Variants in IL1RL2 observed in about 807,000 individuals in gnomAD.
The protein encoded by IL1RL2 is interleukin-1 receptor-like 2.
A neutral mutation model predicts 66.8 loss-of-function variants in IL1RL2; 68 were observed. That is an observed-to-expected ratio of 1.02 (90% CI 0.84 to 1.25). IL1RL2 has a LOEUF of 1.25. Ranked by LOEUF, IL1RL2 falls within the 50% of genes most tolerant of loss-of-function variation. IL1RL2 has a pLI of 0.00. For missense variants in IL1RL2, 729 were observed against 709.3 expected (o/e 1.03, Z -0.32); for synonymous variants, 305 against 264.6 (o/e 1.15, Z -1.48).
downstream of IL1RL2, among the ~76,000 whole-genome samples, chr2:102,240,361 CTTTTTTTTTTTTT>C (rs551743835): frequency 0.13 from 10,662 of 80,400 alleles, 609 homozygotes; most frequent in Admixed American, 0.14. Context: ...TCTTCTCCTC[CTTTTTTTTTTTTT>C]TTTTTTTTTT....
chr2:102,228,419 G>T (rs1392319551), intron 9 of IL1RL2, among the ~76,000 whole-genome samples: 1 of 152,152 alleles, frequency 6.6e-6, no homozygotes, highest in Non-Finnish European at 1.5e-5. Flanking sequence ...TAATAATTAG[G>T]TGTGCATGAC....
At chr2:102,234,788 A>G in intron 10 of IL1RL2, 109 bp from the exon 11 acceptor site, 1 of 1,063,724 alleles carries the variant, frequency 9.4e-7, no homozygotes, top group South Asian at 1.6e-5. Context: ...CTTCACTTCA[A>G]AAAAAAAAAG....
In IL1RL2 at chr2:102,235,202, C is replaced by A; in HGVS notation, c.1603C>A (p.His535Asn). ...CAAGTTTTGGAAGACAGTGAGATAC[C>A]ACATGCCGCCCAGAAGGTGTCGGCC... ...KTKFWKTVRY[H>N]MPPRRCRPFP... is the part of the protein sequence containing the mutation. The change falls in exon 11 of 12, where the codon CAC becomes AAC. Residue 535 changes from histidine (H) to asparagine (N), a missense_variant. His to Asn is a moderately conservative substitution (Grantham distance 68, BLOSUM62 1). Transcript: ENST00000264257. 6.2e-7 allele frequency: 1 copy of A among 1,614,194 alleles called. No homozygotes were observed. The highest frequency in any genetic ancestry group is 8.5e-7 in the Non-Finnish European group (1 of 1,180,024).
intron 4 of IL1RL2, among the ~76,000 whole-genome samples, chr2:102,196,708 T>C (rs1239032273): frequency 1.3e-5 from 2 of 152,284 alleles, no homozygotes; most frequent in Admixed American, 6.5e-5. Context: ...ACAGTTAGCC[T>C]GGTGGGTACG....
chr2:102,196,687 G>T (rs995753774), intron 4 of IL1RL2, among the ~76,000 whole-genome samples: 2 of 152,200 alleles, frequency 1.3e-5, no homozygotes, highest in Admixed American at 1.3e-4. Flanking sequence ...AACTGTGCTT[G>T]AAGAGTGAAC....
In IL1RL2 at chr2:102,235,206, T is replaced by C. The variant is rs1488803243; in HGVS notation, c.1607T>C (p.Met536Thr). 3 of 1,614,212 alleles carry C rather than the reference T, an allele frequency of 1.9e-6. No homozygotes were observed. Among genetic ancestry groups the C allele is most frequent in the Non-Finnish European group, 8.5e-7 (1 of 1,180,042 alleles). The change falls in exon 11 of 12, where the codon ATG becomes ACG. Residue 536 changes from methionine to threonine, a missense_variant. Coordinates refer to ENST00000264257, the MANE Select transcript of IL1RL2 (RefSeq NM_003854.4). ...TTTTGGAAGACAGTGAGATACCACA[T>C]GCCGCCCAGAAGGTGTCGGCCGTTT... ...TKFWKTVRYH[M>T]PPRRCRPFPP...
chr2:102,232,825 C>T (rs951070215), intron 9 of IL1RL2, 138 bp from the exon 10 acceptor site: 2 of 869,716 alleles, frequency 2.3e-6, no homozygotes, highest in Admixed American at 5.4e-5. Flanking sequence ...GCCCCTGGCA[C>T]CAAGTCAGCC....
At chr2:102,216,382 T>C (rs1044609970) in intron 6 of IL1RL2, among the ~76,000 whole-genome samples, 3 of 152,210 alleles carry the variant, frequency 2.0e-5, no homozygotes, top group African/African-American at 7.2e-5. Flanking sequence ...CTTGCTTTTG[T>C]TTTCCATTTG....
At chr2:102,219,445 A>C (rs1225624080) in intron 7 of IL1RL2, among the ~76,000 whole-genome samples, 1 of 152,238 alleles carries the variant, frequency 6.6e-6, no homozygotes, top group East Asian at 1.9e-4. Flanking sequence ...TATACTAAAC[A>C]AGCGCCAATG....
downstream of IL1RL2, among the ~76,000 whole-genome samples, chr2:102,241,360 G>T (rs1178660741): frequency 1.3e-5 from 2 of 152,138 alleles, no homozygotes; most frequent in Non-Finnish European, 1.5e-5. Context: ...CTGGCGTCGG[G>T]CCCCTGGACT....
At chr2:102,220,515 A>T (rs1430045008) in intron 8 of IL1RL2, among the ~76,000 whole-genome samples, 2 of 152,254 alleles carry the variant, frequency 1.3e-5, no homozygotes, top group African/African-American at 4.8e-5. Context: ...TTGATTATGC[A>T]TTGGAAGTAA....
At chr2:102,222,730 C>A (rs946046805) in intron 8 of IL1RL2, among the ~76,000 whole-genome samples, 29 of 152,130 alleles carry the variant, frequency 1.9e-4, no homozygotes, top group African/African-American at 6.8e-4. Context: ...AGCCTGCTGG[C>A]GTTTCCTCCC....
At chr2:102,240,210 T>A (rs1240084534), downstream of IL1RL2, among the ~76,000 whole-genome samples, 1 of 152,114 alleles carries the variant, frequency 6.6e-6, no homozygotes, top group Non-Finnish European at 1.5e-5. Context: ...TAGAGAAACA[T>A]GAGGGTCATG....
intron 8 of IL1RL2, among the ~76,000 whole-genome samples, chr2:102,223,705 T>C (rs1050540796): frequency 6.6e-6 from 1 of 152,186 alleles, no homozygotes; most frequent in Non-Finnish European, 1.5e-5. Context: ...GCCTCATTAG[T>C]ATTGTGGGCA....
intron 5 of IL1RL2, among the ~76,000 whole-genome samples, chr2:102,211,245 T>C (rs991673430): frequency 6.6e-6 from 1 of 152,158 alleles, no homozygotes; most frequent in African/African-American, 2.4e-5. Flanking sequence ...ACTCCAAATA[T>C]ATAGGAGGAA....
At chr2:102,191,073 T>A (rs1311068232) in intron 3 of IL1RL2, among the ~76,000 whole-genome samples, 1 of 152,144 alleles carries the variant, frequency 6.6e-6, no homozygotes, top group Admixed American at 6.5e-5. Flanking sequence ...AAGAATATAT[T>A]TTTACATTTA....
At position 102,218,966 on chromosome 2, in the gene IL1RL2, T is replaced by C; in HGVS notation, c.738T>C (p.Ile246=). ...GGTTTTTTTTAGGTACCACTCTGAT[T>C]GTGGACTGCAATGTAACAGACACCA... ...SIEVQLGTTL[I]VDCNVTDTKD... The change falls in exon 7 of 12, where the codon ATT becomes ATC. Residue 246 remains isoleucine, a synonymous_variant. Transcript: ENST00000264257. 6.2e-7 allele frequency: 1 copy of C among 1,613,112 alleles called. No individual in the cohort carries two copies.
chr2:102,202,674 C>G (rs188973819), intron 5 of IL1RL2, among the ~76,000 whole-genome samples: 24 of 152,160 alleles, frequency 1.6e-4, no homozygotes, highest in Admixed American at 1.5e-3. Context: ...TGTAAAATAT[C>G]TTTTCACATT....
rs1204359846 is a variant in IL1RL2 at position 102,239,728 on chromosome 2, T to C, written c.*487T>C. The C allele has an allele frequency of 2.4e-5, 4 of 169,512 alleles. No individual in the cohort carries two copies. Among genetic ancestry groups the C allele is most frequent in the Admixed American group, 1.7e-4 (3 of 17,660 alleles). 10.5% of individuals were successfully genotyped at this position (169,512 alleles called of 1,614,324 possible). The stretch of plus-strand genomic sequence containing the variant: ...AGATCTGGGGGGTATCCCCACGTCA[T>C]GGTGGATGAGAGCTGGGGGAATCAC... On this transcript the variant is annotated 3_prime_UTR_variant, in exon 12 of 12. Coordinates refer to ENST00000264257, the MANE Select transcript of IL1RL2 (RefSeq NM_003854.4).
Sources: gnomAD v4.1 joint callset for allele counts (sites outside exome capture counted in the v4.1 genomes callset) on GRCh38, gnomAD v4.1.1 for gene constraint, MANE v1.5 for transcripts, NCBI Gene and HGNC (gene_info 2026-07-23, HGNC 2026-07-21) for gene names.